Variants in EZH2 observed in about 807,000 individuals in gnomAD.
EZH2 encodes enhancer of zeste 2 polycomb repressive complex 2 subunit.
EZH2 carries 18 observed loss-of-function variants against 98.4 expected under a neutral mutation model. That is an observed-to-expected ratio of 0.18 (90% CI 0.13 to 0.27). The LOEUF (loss-of-function observed/expected upper bound fraction) is 0.27. EZH2 is among the 10% of genes least tolerant of loss of function. The pLI is 1.00. For synonymous variants in EZH2, 338 were observed against 312.3 expected (o/e 1.08, Z -0.87); for missense variants, 470 against 935.1 (o/e 0.50, Z 6.49).
chr7:148,867,410 T>C (rs1050724284), intron 1 of EZH2, among the ~76,000 whole-genome samples: 1 of 152,212 alleles, frequency 6.6e-6, no homozygotes, highest in African/African-American at 2.4e-5. Context: ...GAAGACAATT[T>C]GTTTTACCGA....
intron 8 of EZH2, among the ~76,000 whole-genome samples, chr7:148,825,156 A>T (rs776473494): frequency 7.2e-5 from 11 of 152,258 alleles, no homozygotes; most frequent in Non-Finnish European, 1.0e-4. Flanking sequence ...CTTTTGCTAT[A>T]GTGATATCTA....
chr7:148,873,055 C>T (rs2129492720), intron 1 of EZH2, among the ~76,000 whole-genome samples: 1 of 152,206 alleles, frequency 6.6e-6, no homozygotes, highest in South Asian at 2.1e-4. Flanking sequence ...TCGTGTCTCA[C>T]GTCTATAGTC....
chr7:148,851,740 G>A (rs1815828202), intron 1 of EZH2, among the ~76,000 whole-genome samples: 1 of 152,198 alleles, frequency 6.6e-6, no homozygotes, highest in Non-Finnish European at 1.5e-5. Flanking sequence ...GTGTAGTGGC[G>A]CACACCTGTG....
intron 8 of EZH2, among the ~76,000 whole-genome samples, chr7:148,821,468 T>G (rs983702646): frequency 4.6e-5 from 7 of 152,180 alleles, no homozygotes; most frequent in Non-Finnish European, 7.3e-5. Flanking sequence ...ATTTATAAAT[T>G]TAATGGGATT....
intron 9 of EZH2, 121 bp from the exon 10 acceptor site, chr7:148,818,238 C>G: frequency 9.5e-7 from 1 of 1,048,668 alleles, no homozygotes; most frequent in East Asian, 2.5e-5. Flanking sequence ...CCATTTATCA[C>G]AAATAATCAT....
At chr7:148,856,058 C>T (rs888465137) in intron 1 of EZH2, among the ~76,000 whole-genome samples, 5 of 151,932 alleles carry the variant, frequency 3.3e-5, no homozygotes, top group African/African-American at 1.2e-4. Context: ...AACAGGATGT[C>T]AGGGGATCTC....
In EZH2 at chr7:148,866,596, CT is replaced by C. The variant is rs1818536716; in HGVS notation, c.-8+17567del. 2.7e-5 allele frequency among the ~76,000 whole-genome samples: 3 copies of C among 110,016 alleles called. No individual in the cohort carries two copies. In the East Asian group the frequency reaches 6.2e-4, roughly 23 times the overall value. The allele number at this position is 110,016 out of a possible 152,430, so 72.2% of individuals were successfully genotyped here. A position where few individuals can be genotyped will look rare whatever the true frequency, so the allele number is the denominator to read the frequency against. On this transcript the variant is annotated intron_variant, in intron 1 of 19. Transcript: ENST00000320356. ...TACGTATATACATATATTGTATACA[CT>C]ATATATTATATATAATATATATGCA...
At chr7:148,824,969 C>CA (rs565789213) in intron 8 of EZH2, among the ~76,000 whole-genome samples, 87 of 143,576 alleles carry the variant, frequency 6.1e-4, no homozygotes, top group Admixed American at 1.9e-3. Flanking sequence ...TTCAAGTTAA[C>CA]AAAAAAAAAA....
intron 2 of EZH2, among the ~76,000 whole-genome samples, chr7:148,846,846 GT>G (rs1563023232): frequency 2.0e-5 from 1 of 50,158 alleles, no homozygotes; most frequent in African/African-American, 1.4e-4. Context: ...GACTGTGTGT[GT>G]GTGTGTGTGT....
intron 19 of EZH2, among the ~76,000 whole-genome samples, chr7:148,807,960 C>T (rs1801956840): frequency 6.6e-6 from 1 of 152,194 alleles, no homozygotes; most frequent in African/African-American, 2.4e-5. Flanking sequence ...TGTCTACAAG[C>T]ATTCCCAGAG....
At chr7:148,838,515 T>C (rs1433501683) in intron 3 of EZH2, among the ~76,000 whole-genome samples, 1 of 152,142 alleles carries the variant, frequency 6.6e-6, no homozygotes, top group Non-Finnish European at 1.5e-5. Flanking sequence ...CTCAAAAAAG[T>C]ACATGAAGCA....
chr7:148,881,853 A>T (rs1186830286), intron 1 of EZH2, among the ~76,000 whole-genome samples: 1 of 151,040 alleles, frequency 6.6e-6, no homozygotes, highest in Non-Finnish European at 1.5e-5. Context: ...GGAATTCCTT[A>T]AACCCGGGAG....
intron 3 of EZH2, among the ~76,000 whole-genome samples, chr7:148,841,151 T>C (rs1201727165): frequency 6.6e-6 from 1 of 152,014 alleles, no homozygotes; most frequent in Non-Finnish European, 1.5e-5. Context: ...TAATATATGA[T>C]GCTATATGAA....
chr7:148,813,406 CT>C (rs1803717620), intron 15 of EZH2, among the ~76,000 whole-genome samples: 2 of 151,210 alleles, frequency 1.3e-5, no homozygotes, highest in East Asian at 3.9e-4. Flanking sequence ...TACTTCCTGG[CT>C]GATAGAGTTA....
At position 148,846,219 on chromosome 7, in the gene EZH2, T is replaced by TA. The variant is rs1311499075; in HGVS notation, c.246+250dup. Among the ~76,000 whole-genome samples, 323 of 152,148 alleles carry TA rather than the reference T, an allele frequency of 2.1e-3. 1 individual carries two copies. The highest frequency in any genetic ancestry group is 7.1e-3 in the African/African-American group (297 of 41,542). ...TATTTGATTTAAAAGCTTTTTTTTT[T>TA]AAATCAACATTCTTATAAAATCTAG... On this transcript the variant is annotated intron_variant, in intron 3 of 19. Transcript: ENST00000320356.
At chr7:148,846,054 T>G (rs888252461) in intron 3 of EZH2, among the ~76,000 whole-genome samples, 3 of 152,230 alleles carry the variant, frequency 2.0e-5, no homozygotes, top group Non-Finnish European at 2.9e-5. Context: ...GCTTAGCCTT[T>G]GAACAAAATA....
chr7:148,810,480 A>C (rs907523022), intron 16 of EZH2, 66 bp from the exon 17 acceptor site: 4 of 1,102,856 alleles, frequency 3.6e-6, no homozygotes, highest in Non-Finnish European at 2.8e-6. Flanking sequence ...AGAACACACA[A>C]AAGCGCACAG....
At chr7:148,817,146 C>T in intron 11 of EZH2, 76 bp downstream of exon 11, 5 of 1,387,150 alleles carry the variant, frequency 3.6e-6, no homozygotes, top group Non-Finnish European at 4.8e-6. Flanking sequence ...CAAGAATTTT[C>T]TTTGTTTGGA....
chr7:148,855,534 TGA>T (rs1428869962), intron 1 of EZH2, among the ~76,000 whole-genome samples: 1 of 152,102 alleles, frequency 6.6e-6, no homozygotes, highest in Admixed American at 6.6e-5. Context: ...AGAGTCATTG[TGA>T]GAAGTAAATT....
Sources: allele counts gnomAD v4.1 joint callset (sites outside exome capture counted in the v4.1 genomes callset), GRCh38; gene constraint gnomAD v4.1.1; transcripts MANE v1.5; gene names NCBI Gene and HGNC (gene_info 2026-07-23, HGNC 2026-07-21).